The following WDR7 variants were observed in gnomAD, a reference collection of about 807,000 sequenced individuals.
The protein encoded by WDR7 is WD repeat-containing protein 7.
Under a neutral mutation model 169.4 loss-of-function variants are expected in WDR7, and 46 were observed. The ratio of observed to expected loss-of-function variants is 0.27; its 90% CI spans 0.21 to 0.35. The LOEUF is 0.35. Among genes scored for constraint, WDR7 ranks in the 10% least tolerant of loss-of-function variants. The probability of loss-of-function intolerance (pLI) is 1.00; values close to 1 mark genes in which losing one functional copy is unlikely to be tolerated. For synonymous variants in WDR7, 612 were observed against 666.8 expected (o/e 0.92, Z 1.27); for missense variants, 1,534 against 1,859.3 (o/e 0.83, Z 3.22).
At chr18:56,967,764 T>C (rs1021793348) in intron 26 of WDR7, among the ~76,000 whole-genome samples, 8 of 152,212 alleles carry the variant, frequency 5.3e-5, no homozygotes, top group African/African-American at 1.7e-4. Context: ...CCAAAATCCA[T>C]AGATGCTCAA....
At chr18:56,889,018 C>G (rs1391477059) in intron 21 of WDR7, among the ~76,000 whole-genome samples, 1 of 152,162 alleles carries the variant, frequency 6.6e-6, no homozygotes, top group Non-Finnish European at 1.5e-5. Flanking sequence ...ATCCCCTTGT[C>G]AGTCAGTCAT....
At position 56,938,602 on chromosome 18, in the gene WDR7, C is replaced by A. The variant is rs917405415; in HGVS notation, c.3901C>A (p.Arg1301=). 27 of 1,613,486 alleles carry A rather than the reference C, an allele frequency of 1.7e-5. No individual in the cohort carries two copies. The highest frequency in any genetic ancestry group is 2.0e-5 in the Non-Finnish European group (24 of 1,179,878). ...GAATATGCACACAACAACTCTTGCA[C>A]GAGCTAAAGGGGAAATTTTGAGAGT... ...QQNMHTTTLA[R]AKGEILRVIE... Residue 1301 remains arginine (R), a synonymous_variant, in exon 24 of 28, where the codon CGA becomes AGA. Coordinates refer to ENST00000254442, the MANE Select transcript of WDR7 (RefSeq NM_015285.3).
intron 22 of WDR7, among the ~76,000 whole-genome samples, chr18:56,934,587 T>G (rs1377903115): frequency 6.6e-6 from 1 of 152,184 alleles, no homozygotes; most frequent in Non-Finnish European, 1.5e-5. Flanking sequence ...GAGACAGTTA[T>G]ACTATCAGTC....
chr18:56,707,341 G>A (rs2144693027), intron 12 of WDR7, among the ~76,000 whole-genome samples: 1 of 151,260 alleles, frequency 6.6e-6, no homozygotes, highest in South Asian at 2.1e-4. Flanking sequence ...TCATTTGCTT[G>A]TTTCCCAACT....
chr18:56,930,053 G>C (rs114760198), intron 22 of WDR7, among the ~76,000 whole-genome samples: 1 of 152,072 alleles, frequency 6.6e-6, no homozygotes, highest in Non-Finnish European at 1.5e-5. Context: ...GAGCAGTGCC[G>C]GCCCAGCTGC....
intron 20 of WDR7, among the ~76,000 whole-genome samples, chr18:56,857,091 T>C (rs921877717): frequency 2.0e-5 from 3 of 152,156 alleles, no homozygotes; most frequent in Admixed American, 6.6e-5. Context: ...GTGGGCAATA[T>C]TGGCCCTAAA....
At position 56,718,147 on chromosome 18, in the gene WDR7, C is replaced by G; in HGVS notation, c.1762C>G (p.Gln588Glu). The G allele has an allele frequency of 1.2e-6, 2 of 1,608,876 alleles. No individual in the cohort carries two copies. Among genetic ancestry groups the G allele is most frequent in the Non-Finnish European group, 1.7e-6 (2 of 1,177,506 alleles). ...GCSDGSVYVW[Q>E]MDTGALDRCV... ...TTCAGATGGTTCTGTGTACGTCTGG[C>G]AAATGGATACTGGTAAGAACAAGTA... Residue 588 changes from glutamine (Q) to glutamate (E), a missense_variant, in exon 13 of 28, where the codon CAA becomes GAA. Coordinates refer to ENST00000254442, the MANE Select transcript of WDR7 (RefSeq NM_015285.3).
At chr18:56,921,852 TC>T (rs2046726858) in intron 21 of WDR7, among the ~76,000 whole-genome samples, 1 of 152,088 alleles carries the variant, frequency 6.6e-6, no homozygotes, top group South Asian at 2.1e-4. Context: ...CCTCTAGAGC[TC>T]CCAACACAGA....
chr18:56,914,977 C>T (rs1267333845), intron 21 of WDR7, among the ~76,000 whole-genome samples: 1 of 152,114 alleles, frequency 6.6e-6, no homozygotes, highest in Non-Finnish European at 1.5e-5. Context: ...GATTATAGGA[C>T]AGGAAATAGC....
At chr18:56,783,448 A>T (rs2044349595) in intron 19 of WDR7, among the ~76,000 whole-genome samples, 1 of 152,174 alleles carries the variant, frequency 6.6e-6, no homozygotes, top group South Asian at 2.1e-4. Context: ...AAAATTAAGG[A>T]CAAACTATGA....
chr18:56,887,271 G>A (rs2046210061), intron 21 of WDR7, among the ~76,000 whole-genome samples: 1 of 152,090 alleles, frequency 6.6e-6, no homozygotes, highest in African/African-American at 2.4e-5. Context: ...AGCTCAACCT[G>A]GGCTGAACGG....
rs369063244 is a variant in WDR7 at position 56,816,192 on chromosome 18, G to A, written c.3304+48G>A. 1.6e-5 allele frequency: 24 copies of A among 1,513,260 alleles called. No individual in the cohort carries two copies. In the African/African-American group the frequency reaches 3.1e-4, roughly 19 times the overall value. 93.7% of individuals were successfully genotyped at this position (1,513,260 alleles called of 1,614,324 possible). The stretch of plus-strand genomic sequence containing the variant: ...TCTGATTGGAGCTTTGTTTGATATT[G>A]CAAAATGTTTTCTAGGTTATTTGTG... On this transcript the variant is annotated intron_variant, in intron 20 of 27. Coordinates refer to ENST00000254442, the MANE Select transcript of WDR7 (RefSeq NM_015285.3).
chr18:56,727,487 C>G (rs980193121), intron 13 of WDR7, among the ~76,000 whole-genome samples: 2 of 152,118 alleles, frequency 1.3e-5, no homozygotes, highest in Non-Finnish European at 2.9e-5. Flanking sequence ...AGGAAACTTA[C>G]AATCATGGTG....
rs1478197355 is a variant in WDR7, at chr18:57,029,143, A to T, written c.*1936A>T. 4 of 152,330 alleles carry T rather than the reference A, an allele frequency of 2.6e-5. No individual in the cohort carries two copies. The East Asian group carries it at 7.7e-4, about 29-fold the overall frequency. 9.4% of individuals were successfully genotyped at this position (152,330 alleles called of 1,614,324 possible). On this transcript the variant is annotated 3_prime_UTR_variant, in exon 28 of 28. Transcript: ENST00000254442. ...ATACCTTAGCATTTTCTTTAACAAAAATGTTCTGTGTGTCAGGAAAGAGGT... is the reference window on the plus strand; with the variant it reads ...ATACCTTAGCATTTTCTTTAACAAATATGTTCTGTGTGTCAGGAAAGAGGT...
chr18:56,994,245 A>G (rs1463161492), intron 26 of WDR7, among the ~76,000 whole-genome samples: 1 of 152,028 alleles, frequency 6.6e-6, no homozygotes, highest in African/African-American at 2.4e-5. Context: ...GCTAGTCTCG[A>G]ACTCCTGAGC....
chr18:56,903,381 T>G (rs936502850), intron 21 of WDR7, among the ~76,000 whole-genome samples: 2 of 152,036 alleles, frequency 1.3e-5, no homozygotes, highest in Admixed American at 6.6e-5. Context: ...CAGTAGCCAA[T>G]TGGTATATTT....
intron 12 of WDR7, among the ~76,000 whole-genome samples, chr18:56,701,295 A>T (rs994443736): frequency 6.6e-6 from 1 of 152,188 alleles, no homozygotes; most frequent in Non-Finnish European, 1.5e-5. Context: ...ACTTCTTGAG[A>T]GGTGTTGGAA....
chr18:56,757,373 T>C (rs766885768), intron 15 of WDR7, 21 bp downstream of exon 15: 4 of 1,522,218 alleles, frequency 2.6e-6, no homozygotes, highest in Non-Finnish European at 2.6e-6. Context: ...GATAGTTTGA[T>C]TTTATTCTTA....
At chr18:56,920,196 T>A (rs2046694755) in intron 21 of WDR7, among the ~76,000 whole-genome samples, 2 of 152,174 alleles carry the variant, frequency 1.3e-5, no homozygotes, top group Admixed American at 1.3e-4. Context: ...CTGCCTGGAA[T>A]GTTTTCTTTC....
Sources: gnomAD v4.1 joint callset for allele counts (sites outside exome capture counted in the v4.1 genomes callset) on GRCh38, gnomAD v4.1.1 for gene constraint, MANE v1.5 for transcripts, NCBI Gene and HGNC (gene_info 2026-07-23, HGNC 2026-07-21) for gene names.